Variants in ZFP64 observed in about 807,000 individuals in gnomAD.
ZFP64 encodes ZFP64 zinc finger protein, also known as zinc finger protein 64.
In ZFP64, 14 loss-of-function variants were observed where a neutral mutation model predicts 51.6. The observed-to-expected ratio is 0.27, with a 90% CI of 0.18 to 0.42. The LOEUF is 0.42. ZFP64 is among the 10% of genes least tolerant of loss of function. The pLI, the probability that ZFP64 is intolerant of heterozygous loss-of-function variation, is 1.00. For missense variants in ZFP64, 754 were observed against 906.8 expected (o/e 0.83, Z 2.16); for synonymous variants, 375 against 361.4 (o/e 1.04, Z -0.43).
intron 2 of ZFP64, among the ~76,000 whole-genome samples, chr20:52,176,505 C>CTCTTTTTTTTTTTTTTTTT (rs1555810297): frequency 1.5e-5 from 2 of 136,724 alleles, no homozygotes; most frequent in African/African-American, 5.5e-5. Context: ...TTCAATCTCT[C>CTCTTTTTTTTTTTTTTTTT]TTTTTTTTTT....
chr20:52,156,071 C>T lies in ZFP64; in HGVS notation c.764-2643G>A, dbSNP rs115928484. Among the ~76,000 whole-genome samples, 489 of 152,298 alleles carry T rather than the reference C, an allele frequency of 3.2e-3. 3 individuals are homozygous for T. Among genetic ancestry groups the T allele is most frequent in the African/African-American group, 0.011 (467 of 41,564 alleles). ...TGCTGCTATAAATAGTAACTTCATC[C>T]TTATCAATCAAAATGAACCATTTTC... On this transcript the variant is annotated intron_variant, in intron 5 of 5. Coordinates refer to ENST00000216923, the MANE Select transcript of ZFP64 (RefSeq NM_018197.3).
intron 5 of ZFP64, among the ~76,000 whole-genome samples, chr20:52,135,664 A>G (rs1339805162): frequency 1.3e-5 from 2 of 151,564 alleles, no homozygotes; most frequent in East Asian, 4.0e-4. Flanking sequence ...TTTTTTGGTA[A>G]TTTTTGTAGA....
intron 2 of ZFP64, among the ~76,000 whole-genome samples, chr20:52,167,195 G>A (rs1982345861): frequency 6.6e-6 from 1 of 151,732 alleles, no homozygotes; most frequent in African/African-American, 2.4e-5. Context: ...CATGGTGGCG[G>A]GCACCTGAAA....
intron 2 of ZFP64, among the ~76,000 whole-genome samples, chr20:52,173,808 C>G (rs1044983341): frequency 1.3e-5 from 2 of 151,958 alleles, no homozygotes; most frequent in Non-Finnish European, 2.9e-5. Flanking sequence ...GCCACCATGC[C>G]TGGCTAATTT....
chr20:52,148,968 C>A (rs1343320795), downstream of ZFP64, among the ~76,000 whole-genome samples: 1 of 152,140 alleles, frequency 6.6e-6, no homozygotes, highest in Non-Finnish European at 1.5e-5. Context: ...TGACTGATGT[C>A]GGGTTAATGT....
chr20:52,094,616 G>T (rs915958957), intron 7 of ZFP64, among the ~76,000 whole-genome samples: 2 of 152,112 alleles, frequency 1.3e-5, no homozygotes, highest in Admixed American at 6.5e-5. Flanking sequence ...AAAATTAGCT[G>T]GGCGAAATGG....
At chr20:52,140,088 C>T (rs541446422) in intron 5 of ZFP64, among the ~76,000 whole-genome samples, 1 of 151,966 alleles carries the variant, frequency 6.6e-6, no homozygotes, top group African/African-American at 2.4e-5. Context: ...TATAAGACGA[C>T]GAAATTAACT....
In ZFP64 at chr20:52,153,412, C is replaced by G; in HGVS notation, c.780G>C (p.Gln260His). The part of the protein sequence containing the change: ...LRSHTGDAPF[Q>H]CWLCSAKFKI... ...TGAACTTGGCGCTACAGAGCCAGCACTGGAAGGGGGCGTCCCCTGTCAACA... is the reference window on the plus strand; with the variant it reads ...TGAACTTGGCGCTACAGAGCCAGCAGTGGAAGGGGGCGTCCCCTGTCAACA... The change falls in exon 6 of 6, where the codon CAG (glutamine) becomes CAC (histidine). Residue 260 changes from glutamine to histidine, a missense_variant. Transcript: ENST00000216923. The surrounding 1 kb of genome is among the most constrained non-coding windows in gnomAD (Gnocchi z 5.1). 2 of 1,613,804 alleles carry G rather than the reference C, an allele frequency of 1.2e-6. No homozygotes were observed. The highest frequency in any genetic ancestry group is 1.7e-6 in the Non-Finnish European group (2 of 1,179,762).
chr20:52,105,091 G>C (rs192366237), intron 5 of ZFP64: 7 of 1,394,534 alleles, frequency 5.0e-6, no homozygotes, highest in East Asian at 2.8e-5. Flanking sequence ...TCTGAGCACC[G>C]GCCCCCAGCC....
chr20:52,151,345 T>C lies in ZFP64; in HGVS notation c.*801A>G. The C allele has an allele frequency of 1.0e-6, 1 of 985,454 alleles. No homozygotes were observed. The highest frequency in any genetic ancestry group is 6.1e-5 in the Admixed American group (1 of 16,286). 61.0% of individuals were successfully genotyped at this position (985,454 alleles called of 1,614,324 possible). On this transcript the variant is annotated 3_prime_UTR_variant, in exon 6 of 6. Transcript: ENST00000216923. ...TTCTGCTCATTAGCACTAAACATTTTTTTTTGGGTCAAGTATCCATGTCAT... is the reference window on the plus strand; with the variant it reads ...TTCTGCTCATTAGCACTAAACATTTCTTTTTGGGTCAAGTATCCATGTCAT...
chr20:52,183,415 G>C (rs900184142), intron 2 of ZFP64, among the ~76,000 whole-genome samples: 1 of 152,098 alleles, frequency 6.6e-6, no homozygotes, highest in South Asian at 2.1e-4. Context: ...TTTGGTTTTC[G>C]AGGACAAGAA....
At chr20:52,119,155 T>C (rs986870830) in intron 5 of ZFP64, among the ~76,000 whole-genome samples, 1 of 151,432 alleles carries the variant, frequency 6.6e-6, no homozygotes, top group Non-Finnish European at 1.5e-5. Flanking sequence ...AAAAATAAAG[T>C]AAAATAAATA....
chr20:52,153,511 C>T lies in ZFP64; in HGVS notation c.764-83G>A. The T allele has an allele frequency of 1.3e-6, 2 of 1,502,726 alleles. No homozygotes were observed. The highest frequency in any genetic ancestry group is 8.9e-7 in the Non-Finnish European group (1 of 1,124,200). The allele number at this position is 1,502,726 out of a possible 1,614,324, so 93.1% of individuals were successfully genotyped here. A position where few individuals can be genotyped will look rare whatever the true frequency, so the allele number is the denominator to read the frequency against. On this transcript the variant is annotated intron_variant, in intron 5 of 5. Transcript: ENST00000216923. This position sits in a 1 kb window ranked among gnomAD's most constrained non-coding sequence, Gnocchi z 5.1. ...CCCCGAAGCACACACCAGAAAATCG[C>T]TTATACAAGGTGGGTGGGTGCAGAC...
At chr20:52,184,844 T>C (rs544420891) in intron 2 of ZFP64, among the ~76,000 whole-genome samples, 1 of 152,128 alleles carries the variant, frequency 6.6e-6, no homozygotes, top group East Asian at 1.9e-4. Context: ...ACGAGGCTGG[T>C]CTTGAACTCC....
intron 2 of ZFP64, among the ~76,000 whole-genome samples, chr20:52,184,157 T>G (rs1047351797): frequency 3.3e-5 from 5 of 152,188 alleles, no homozygotes; most frequent in African/African-American, 1.2e-4. Flanking sequence ...TGACGTCTGA[T>G]GCTCCTCACT....
chr20:52,090,602 C>T (rs996145962), intron 7 of ZFP64, among the ~76,000 whole-genome samples: 9 of 151,964 alleles, frequency 5.9e-5, no homozygotes, highest in East Asian at 1.9e-4. Flanking sequence ...AGTTCGAGAC[C>T]AGCCTGGCCA....
At chr20:52,176,665 G>A (rs1243102103) in intron 2 of ZFP64, among the ~76,000 whole-genome samples, 4 of 151,590 alleles carry the variant, frequency 2.6e-5, no homozygotes, top group South Asian at 2.1e-4. Context: ...GCCCGCCACC[G>A]CGCCCGGCTA....
intron 5 of ZFP64, among the ~76,000 whole-genome samples, chr20:52,102,189 G>C (rs568582125): frequency 4.0e-5 from 6 of 150,946 alleles, no homozygotes; most frequent in African/African-American, 1.5e-4. Flanking sequence ...CAGATCCCCA[G>C]GTGATTCCTG....
chr20:52,096,183 T>C (rs1171892095), intron 7 of ZFP64, among the ~76,000 whole-genome samples: 4 of 152,176 alleles, frequency 2.6e-5, no homozygotes, highest in Non-Finnish European at 5.9e-5. Flanking sequence ...TGGCCATGTG[T>C]TGCCCCGCTT....
Sources: gnomAD v4.1 joint callset for allele counts (sites outside exome capture counted in the v4.1 genomes callset) on GRCh38, gnomAD v4.1.1 for gene constraint, Gnocchi (gnomAD v3.1) non-coding constraint, MANE v1.5 for transcripts, NCBI Gene and HGNC (gene_info 2026-07-23, HGNC 2026-07-21) for gene names.